Variants in TASP1 observed in about 807,000 individuals in gnomAD.
TASP1 encodes threonine aspartase 1.
TASP1 carries 16 observed loss-of-function variants against 56.6 expected under a neutral mutation model. The observed-to-expected ratio is 0.28, with a 90% confidence interval of 0.19 to 0.43. The LOEUF is 0.43. Ranked by LOEUF, TASP1 falls within the 20% of genes least tolerant of loss-of-function variation. The pLI, the probability that TASP1 is intolerant of heterozygous loss-of-function variation, is 1.00. For synonymous variants in TASP1, 179 were observed against 184.2 expected (o/e 0.97, Z 0.23); for missense variants, 393 against 511.6 (o/e 0.77, Z 2.24).
the TASP1 span, among the ~76,000 whole-genome samples, chr20:13,266,825 A>T: frequency 6.6e-6 from 1 of 152,332 alleles, no homozygotes; most frequent in African/African-American, 2.4e-5. Flanking sequence ...ACCCCTCTTG[A>T]AAATCTTTAC....
chr20:13,490,708 C>T (rs767486447), intron 10 of TASP1, among the ~76,000 whole-genome samples: 2 of 152,002 alleles, frequency 1.3e-5, no homozygotes, highest in Non-Finnish European at 2.9e-5. Context: ...ACACACACAC[C>T]CCTACCTTAA....
chr20:13,162,683 A>G, the TASP1 span, among the ~76,000 whole-genome samples: 1 of 152,170 alleles, frequency 6.6e-6, no homozygotes. Context: ...TTGCTCATTC[A>G]CCAATAACAA....
At chr20:13,345,280 C>T in the TASP1 span, among the ~76,000 whole-genome samples, 3 of 152,132 alleles carry the variant, frequency 2.0e-5, no homozygotes, top group Admixed American at 6.5e-5. Context: ...GTCATCAGAA[C>T]GTGGGGAATT....
chr20:13,306,564 CAAAAAAAAAA>C, the TASP1 span, among the ~76,000 whole-genome samples: 52 of 63,908 alleles, frequency 8.1e-4, 1 homozygote, highest in South Asian at 0.038. Flanking sequence ...GGAGAAAGGA[CAAAAAAAAAA>C]AAAAAAAAAA....
At chr20:13,409,851 T>G (rs577092033) in intron 13 of TASP1, among the ~76,000 whole-genome samples, 16 of 152,288 alleles carry the variant, frequency 1.1e-4, no homozygotes, top group African/African-American at 3.6e-4. Context: ...AGTTCTATCT[T>G]CTAGCTACTG....
chr20:13,590,118 G>A (rs2047466092), intron 4 of TASP1, among the ~76,000 whole-genome samples: 1 of 152,100 alleles, frequency 6.6e-6, no homozygotes, highest in Non-Finnish European at 1.5e-5. Context: ...TGTAATCGCA[G>A]CTACTCAGGA....
At chr20:13,414,558 C>A (rs2055405490) in intron 13 of TASP1, among the ~76,000 whole-genome samples, 1 of 152,084 alleles carries the variant, frequency 6.6e-6, no homozygotes, top group African/African-American at 2.4e-5. Flanking sequence ...ATAAAAGAAA[C>A]CTAATTTCAT....
At chr20:13,408,347 T>C (rs1399430079) in intron 13 of TASP1, among the ~76,000 whole-genome samples, 1 of 152,182 alleles carries the variant, frequency 6.6e-6, no homozygotes, top group East Asian at 1.9e-4. Flanking sequence ...GTGCATTCCT[T>C]GGAAAAACCT....
intron 6 of TASP1, among the ~76,000 whole-genome samples, chr20:13,572,096 G>A (rs1409206303): frequency 6.6e-6 from 1 of 152,086 alleles, no homozygotes; most frequent in African/African-American, 2.4e-5. Flanking sequence ...TTTACACATT[G>A]TATCTGTTAG....
intron 11 of TASP1, among the ~76,000 whole-genome samples, chr20:13,482,861 C>A (rs1384067287): frequency 6.6e-6 from 1 of 152,080 alleles, no homozygotes; most frequent in Non-Finnish European, 1.5e-5. Flanking sequence ...TATAATCAAC[C>A]TTTTTCTGAA....
chr20:13,209,577 T>C, the TASP1 span, among the ~76,000 whole-genome samples: 7,478 of 152,240 alleles, frequency 0.049, 482 homozygotes, highest in East Asian at 0.19. Flanking sequence ...CTAGATTAAA[T>C]TGAAATTTAT....
At chr20:13,199,762 T>A in the TASP1 span, among the ~76,000 whole-genome samples, 17 of 152,318 alleles carry the variant, frequency 1.1e-4, no homozygotes, top group African/African-American at 4.1e-4. Context: ...GGGTGAAGCC[T>A]GTGTTCAAGA....
chr20:13,248,970 C>T, the TASP1 span, among the ~76,000 whole-genome samples: 1 of 152,132 alleles, frequency 6.6e-6, no homozygotes, highest in Non-Finnish European at 1.5e-5. Context: ...GCGGCTTGTA[C>T]AGGAGAAAAA....
chr20:13,157,587 C>A, the TASP1 span, among the ~76,000 whole-genome samples: 1 of 151,966 alleles, frequency 6.6e-6, no homozygotes, highest in Non-Finnish European at 1.5e-5. Flanking sequence ...AAATGCACAT[C>A]TCATTAAAGC....
chr20:13,448,768 CTATTT>C (rs954952983), intron 11 of TASP1, among the ~76,000 whole-genome samples: 196 of 152,030 alleles, frequency 1.3e-3, no homozygotes, highest in African/African-American at 4.5e-3. Flanking sequence ...ACTCTGCTAT[CTATTT>C]TATTTGCCAC....
At chr20:13,153,910 CAGAAAGACTTAA>C in the TASP1 span, 10 of 1,521,946 alleles carry the variant, frequency 6.6e-6, no homozygotes, top group Non-Finnish European at 8.9e-6. Flanking sequence ...TGCTGGCCTG[CAGAAAGACTTAA>C]AGATGCTTGC....
chr20:13,280,527 G>A, the TASP1 span, among the ~76,000 whole-genome samples: 1 of 152,140 alleles, frequency 6.6e-6, no homozygotes, highest in Non-Finnish European at 1.5e-5. Context: ...CACTTGAGTT[G>A]GGTAGGAGAA....
At chr20:13,606,845 C>T (rs2048179852) in intron 4 of TASP1, among the ~76,000 whole-genome samples, 1 of 151,224 alleles carries the variant, frequency 6.6e-6, no homozygotes, top group Non-Finnish European at 1.5e-5. Context: ...TCTTTAGGTG[C>T]TATATCCCAA....
chr20:13,460,515 C>T (rs2044016814), intron 11 of TASP1, among the ~76,000 whole-genome samples: 1 of 152,136 alleles, frequency 6.6e-6, no homozygotes, highest in Non-Finnish European at 1.5e-5. Context: ...CTGAACTTGA[C>T]ACTTATATAT....
Sources: allele counts gnomAD v4.1 joint callset (sites outside exome capture counted in the v4.1 genomes callset), GRCh38; gene constraint gnomAD v4.1.1; transcripts MANE v1.5; gene names NCBI Gene and HGNC (gene_info 2026-07-23, HGNC 2026-07-21).